The following ZC4H2 variants were observed in gnomAD, a reference collection of about 807,000 sequenced individuals.
The protein encoded by ZC4H2 is zinc finger C4H2-type containing, also known as zinc finger C4H2 domain-containing protein.
For synonymous variants in ZC4H2, 84 were observed against 66.3 expected, an observed-to-expected ratio of 1.27 and a Z score of -1.30; for missense variants, 137 against 173.9, an observed-to-expected ratio of 0.79 and a Z score of 1.19.
chrX:64,927,878 A>T (rs1929501218), intron 1 of ZC4H2, among the ~76,000 whole-genome samples: 1 of 112,613 alleles, frequency 8.9e-6, no homozygotes, highest in South Asian at 3.6e-4. Context: ...TCTAATGACC[A>T]GTGATGATGA....
At chrX:64,997,711 G>A (rs754931551) in intron 1 of ZC4H2, among the ~76,000 whole-genome samples, 98 of 111,717 alleles carry the variant, frequency 8.8e-4, no homozygotes, top group African/African-American at 3.0e-3. Flanking sequence ...AGGTGCGGGT[G>A]TTCTTCCCAC....
intron 1 of ZC4H2, among the ~76,000 whole-genome samples, chrX:65,028,167 TCTAG>T (rs767894247): frequency 1.3e-4 from 14 of 111,466 alleles, no homozygotes; most frequent in South Asian, 3.8e-4. Context: ...TAGCCAGCTA[TCTAG>T]CTAGCTAGCT....
intron 1 of ZC4H2, among the ~76,000 whole-genome samples, chrX:64,951,266 C>T (rs746468125): frequency 1.8e-4 from 20 of 112,125 alleles, no homozygotes; most frequent in East Asian, 2.8e-4. Context: ...AACAAACATA[C>T]GTGTGCATGT....
chrX:64,921,057 G>C (rs1929173603), intron 2 of ZC4H2, among the ~76,000 whole-genome samples: 1 of 112,527 alleles, frequency 8.9e-6, no homozygotes, highest in Non-Finnish European at 1.9e-5. Context: ...ATTGCTTACT[G>C]TCCAAACCTC....
intron 1 of ZC4H2, among the ~76,000 whole-genome samples, chrX:64,927,375 T>C (rs191074079): frequency 1.6e-3 from 173 of 110,544 alleles, no homozygotes; most frequent in African/African-American, 5.4e-3. Flanking sequence ...AGTGAGAACA[T>C]GTAGTGTTTA....
rs777908817 is a variant in ZC4H2 at position 65,017,792 on chromosome X, A to C, written c.-272+16837T>G. 3.6e-5 allele frequency among the ~76,000 whole-genome samples: 4 copies of C among 112,272 alleles called. No individual in the cohort carries two copies. The Admixed American group carries it at 3.8e-4, about 11-fold the overall frequency. ...AAATGTAGGATCAAATGCTTACGAC[A>C]ATCTTAAGCAAAAATAACATTATCA... On this transcript the variant is annotated intron_variant, in intron 1 of 4. Transcript: ENST00000337990.
chrX:65,018,556 G>A lies in ZC4H2; in HGVS notation c.-272+16073C>T, dbSNP rs748110780. 4.5e-5 allele frequency among the ~76,000 whole-genome samples: 5 copies of A among 112,112 alleles called. 1 individual carries two copies. The South Asian group carries it at 1.1e-3, about 25-fold the overall frequency. On this transcript the variant is annotated intron_variant, in intron 1 of 4. Transcript: ENST00000337990. ...ACCAGCAGACCAAGAGATTCCCTCC[G>A]GTGCTTACGCCACCAAGGCCCTGGG...
intron 1 of ZC4H2, among the ~76,000 whole-genome samples, chrX:64,968,046 G>A (rs1931648877): frequency 9.0e-6 from 1 of 111,621 alleles, no homozygotes; most frequent in African/African-American, 3.3e-5. Context: ...CATTCATTTG[G>A]TTCATATTTA....
At chrX:64,939,469 C>A (rs1433795610) in intron 1 of ZC4H2, among the ~76,000 whole-genome samples, 1 of 112,005 alleles carries the variant, frequency 8.9e-6, no homozygotes, top group Non-Finnish European at 1.9e-5. Context: ...CAAAAAAGAG[C>A]CCACATAGCC....
intron 1 of ZC4H2, among the ~76,000 whole-genome samples, chrX:64,922,657 C>A (rs1056439223): frequency 3.6e-5 from 4 of 111,951 alleles, no homozygotes; most frequent in African/African-American, 1.3e-4. Flanking sequence ...AACTCCCACC[C>A]AAGAAACCAA....
At position 64,919,099 on chromosome X, in the gene ZC4H2, A is replaced by C. The variant is rs1929060954; in HGVS notation, c.504T>G (p.Ala168=). 2.5e-6 allele frequency: 3 copies of C among 1,198,180 alleles called. No individual in the cohort carries two copies. The highest frequency in any genetic ancestry group is 3.4e-6 in the Non-Finnish European group (3 of 887,764). ...CCGTCTGCCGAGTATCCTGCTTCCT[A>C]GCCACTTGGAGCTGTTGGGCGGCAG... ...AAAAAQQLQV[A]RKQDTRQTAT... is the part of the protein sequence containing the mutation. Residue 168 remains alanine (A), a synonymous_variant, in exon 4 of 5, where the codon GCT becomes GCG. Coordinates refer to ENST00000374839, the MANE Select transcript of ZC4H2 (RefSeq NM_018684.4).
chrX:64,954,193 T>C (rs1291393761), intron 1 of ZC4H2, among the ~76,000 whole-genome samples: 2 of 102,716 alleles, frequency 1.9e-5, no homozygotes, highest in Admixed American at 1.1e-4. Flanking sequence ...TGGGGAGATA[T>C]AGCATTAGGA....
intron 1 of ZC4H2, among the ~76,000 whole-genome samples, chrX:65,032,810 T>C (rs1026463484): frequency 2.8e-5 from 3 of 106,678 alleles, no homozygotes; most frequent in African/African-American, 1.0e-4. Flanking sequence ...CGGAGTCTTG[T>C]TGTGTCGCCT....
intron 1 of ZC4H2, among the ~76,000 whole-genome samples, chrX:64,999,883 C>T (rs1206612462): frequency 1.8e-5 from 2 of 112,170 alleles, no homozygotes; most frequent in African/African-American, 6.5e-5. Flanking sequence ...GCAAGACTGC[C>T]CCTCTAGATT....
intron 1 of ZC4H2, among the ~76,000 whole-genome samples, chrX:65,010,538 T>C (rs1374002212): frequency 1.8e-5 from 2 of 111,907 alleles, no homozygotes; most frequent in South Asian, 7.4e-4. Flanking sequence ...TCCACTCCTA[T>C]TGAAGCTATC....
At chrX:64,999,911 G>A (rs1450082050) in intron 1 of ZC4H2, among the ~76,000 whole-genome samples, 1 of 112,250 alleles carries the variant, frequency 8.9e-6, no homozygotes, top group East Asian at 2.8e-4. Flanking sequence ...TCTGGGCAGG[G>A]CATTTCAGAA....
intron 1 of ZC4H2, among the ~76,000 whole-genome samples, chrX:64,922,463 G>A (rs934770561): frequency 3.6e-5 from 4 of 111,047 alleles, no homozygotes; most frequent in African/African-American, 1.3e-4. Flanking sequence ...GTTAGGAGAT[G>A]TTTCCCTCTA....
chrX:65,030,974 C>T (rs1932928152), intron 1 of ZC4H2, among the ~76,000 whole-genome samples: 1 of 111,382 alleles, frequency 9.0e-6, no homozygotes, highest in South Asian at 3.8e-4. Context: ...TAAATTCCCA[C>T]TTATAAATGT....
intron 1 of ZC4H2, among the ~76,000 whole-genome samples, chrX:64,989,573 A>G (rs899303334): frequency 4.5e-5 from 5 of 112,293 alleles, no homozygotes; most frequent in African/African-American, 1.6e-4. Context: ...ATTTTTTTCT[A>G]TGTGAAAGAA....
Sources: allele counts gnomAD v4.1 joint callset (sites outside exome capture counted in the v4.1 genomes callset), GRCh38; gene constraint gnomAD v4.1.1; transcripts MANE v1.5; gene names NCBI Gene and HGNC (gene_info 2026-07-23, HGNC 2026-07-21).